The following TJP2 variants were observed in gnomAD, a reference collection of about 807,000 sequenced individuals.
TJP2 encodes Friedreich ataxia region gene X104 (tight junction protein ZO-2).
Under a neutral mutation model 133.1 loss-of-function variants are expected in TJP2, and 91 were observed. The ratio of observed to expected loss-of-function variants is 0.68; its 90% CI spans 0.58 to 0.81. The LOEUF (loss-of-function observed/expected upper bound fraction) is 0.81. Among genes scored for constraint, TJP2 ranks in the 40% least tolerant of loss-of-function variants. The pLI, the probability that TJP2 is intolerant of heterozygous loss-of-function variation, is 0.00. For synonymous variants in TJP2, 592 were observed against 583.4 expected (o/e 1.01, Z -0.21); for missense variants, 1,541 against 1,565.6 (o/e 0.98, Z 0.26).
At chr9:69,253,111 C>A in intron 22 of TJP2, 2 of 596,342 alleles carry the variant, frequency 3.4e-6, no homozygotes, top group Non-Finnish European at 6.0e-6. Flanking sequence ...AAAACTCTGA[C>A]AAAGTGTAAT....
chr9:69,250,531 G>T (rs1419039809), intron 20 of TJP2, among the ~76,000 whole-genome samples: 8 of 152,168 alleles, frequency 5.3e-5, no homozygotes, highest in South Asian at 4.1e-4. Flanking sequence ...TTTGCAAGCC[G>T]GGCAAGACTG....
chr9:69,155,976 A>G (rs1478151853), intron 2 of TJP2, among the ~76,000 whole-genome samples: 2 of 152,226 alleles, frequency 1.3e-5, no homozygotes, highest in Non-Finnish European at 2.9e-5. Context: ...GAGATGCTGC[A>G]CTAGGTGAGA....
chr9:69,132,244 A>G (rs1822526191), intron 1 of TJP2, among the ~76,000 whole-genome samples: 2 of 152,200 alleles, frequency 1.3e-5, no homozygotes, highest in Admixed American at 6.5e-5. Context: ...CATAAACCAC[A>G]TGGTTGTACA....
At chr9:69,216,508 T>G in intron 3 of TJP2, 45 bp downstream of exon 3, 3 of 1,612,798 alleles carry the variant, frequency 1.9e-6, no homozygotes, top group Non-Finnish European at 2.5e-6. Flanking sequence ...GCCCTACTGG[T>G]TGGCCCTAGA....
intron 1 of TJP2, among the ~76,000 whole-genome samples, chr9:69,141,423 C>T (rs1823013487): frequency 6.6e-6 from 1 of 152,094 alleles, no homozygotes; most frequent in Non-Finnish European, 1.5e-5. Flanking sequence ...CCGCCCACTC[C>T]AGCCCTTGGG....
At chr9:69,202,887 A>G (rs1827096970) in intron 1 of TJP2, among the ~76,000 whole-genome samples, 1 of 152,162 alleles carries the variant, frequency 6.6e-6, no homozygotes, top group African/African-American at 2.4e-5. Flanking sequence ...CTGTACTTAG[A>G]AATGGTTAAG....
chr9:69,162,910 T>G (rs960877374), intron 2 of TJP2, among the ~76,000 whole-genome samples: 1 of 152,252 alleles, frequency 6.6e-6, no homozygotes, highest in East Asian at 1.9e-4. Flanking sequence ...CAAATGTGTG[T>G]TTGTACAAAC....
At chr9:69,140,048 CCTT>C (rs1379191667) in intron 1 of TJP2, among the ~76,000 whole-genome samples, 1 of 152,200 alleles carries the variant, frequency 6.6e-6, no homozygotes, top group Non-Finnish European at 1.5e-5. Flanking sequence ...GCCCTGGCCT[CCTT>C]CTTTCCTCCT....
chr9:69,182,096 A>G (rs1825556745), intron 1 of TJP2, among the ~76,000 whole-genome samples: 1 of 152,194 alleles, frequency 6.6e-6, no homozygotes, highest in African/African-American at 2.4e-5. Flanking sequence ...AAATGTGTTG[A>G]AGATGAGCCT....
At chr9:69,159,925 C>CT (rs1346050396) in intron 2 of TJP2, among the ~76,000 whole-genome samples, 43 of 139,368 alleles carry the variant, frequency 3.1e-4, no homozygotes, top group Non-Finnish European at 5.3e-4. Context: ...GTGTGTGTTT[C>CT]TTTTTTTTTC....
chr9:69,195,478 T>TTTGC (rs1372687883), intron 1 of TJP2, among the ~76,000 whole-genome samples: 6 of 152,134 alleles, frequency 3.9e-5, no homozygotes, highest in Non-Finnish European at 7.4e-5. Flanking sequence ...TGCATTCAAA[T>TTTGC]TGTGACCAGG....
At chr9:69,221,958 G>A (rs1378312539) in intron 5 of TJP2, among the ~76,000 whole-genome samples, 2 of 145,346 alleles carry the variant, frequency 1.4e-5, no homozygotes, top group African/African-American at 5.1e-5. Context: ...TGCAACCTCC[G>A]CCTCCCAGGT....
At chr9:69,151,642 C>T (rs891729142) in intron 1 of TJP2, 1 of 1,231,970 alleles carries the variant, frequency 8.1e-7, no homozygotes, top group South Asian at 4.1e-5. Flanking sequence ...ACAACACTGT[C>T]TTTTCCAGGG....
intron 1 of TJP2, among the ~76,000 whole-genome samples, chr9:69,210,211 C>T (rs1827763548): frequency 6.7e-6 from 1 of 149,662 alleles, no homozygotes; most frequent in Non-Finnish European, 1.5e-5. Context: ...ATCACTTGAA[C>T]CCAGGAGGCA....
intron 1 of TJP2, among the ~76,000 whole-genome samples, chr9:69,192,083 G>A (rs955526317): frequency 4.0e-5 from 6 of 151,882 alleles, no homozygotes; most frequent in South Asian, 2.1e-4. Context: ...GTTGATTGCC[G>A]TTGCTACAGT....
At chr9:69,147,473 T>G (rs192757332) in intron 1 of TJP2, among the ~76,000 whole-genome samples, 15 of 152,254 alleles carry the variant, frequency 9.9e-5, no homozygotes, top group Admixed American at 9.8e-4. Context: ...GTGTTCGAAT[T>G]TTACAAGTGG....
At chr9:69,151,020 T>A (rs1297810591) in intron 1 of TJP2, among the ~76,000 whole-genome samples, 1 of 152,226 alleles carries the variant, frequency 6.6e-6, no homozygotes, top group Non-Finnish European at 1.5e-5. Flanking sequence ...AAAGGCCTCA[T>A]ATCATATGAG....
At position 69,248,209 on chromosome 9, in the gene TJP2, G is replaced by A. The variant is rs727503480; in HGVS notation, c.2865G>A (p.Pro955=). 5 of 1,602,612 alleles carry A rather than the reference G, an allele frequency of 3.1e-6. No homozygotes were observed. Among genetic ancestry groups the A allele is most frequent in the African/African-American group, 1.3e-5 (1 of 74,790 alleles). Residue 955 remains proline, a synonymous_variant, in exon 19 of 23, where the codon CCG becomes CCA. Coordinates refer to ENST00000377245, the MANE Select transcript of TJP2 (RefSeq NM_004817.4). ...LVSSITRSSE[P]VQHEESIRKP... ...CGTCCATCACCCGCTCCTCGGAGCC[G>A]GTGCAGCACGAGGAGGTGAGGCGAG...
At chr9:69,145,030 G>A (rs1233377657) in intron 1 of TJP2, among the ~76,000 whole-genome samples, 5 of 152,140 alleles carry the variant, frequency 3.3e-5, no homozygotes, top group Non-Finnish European at 5.9e-5. Flanking sequence ...CTCTCCAAAC[G>A]ATATATTTTC....
Sources: allele counts gnomAD v4.1 joint callset (sites outside exome capture counted in the v4.1 genomes callset), GRCh38; gene constraint gnomAD v4.1.1; transcripts MANE v1.5; gene names NCBI Gene and HGNC (gene_info 2026-07-23, HGNC 2026-07-21).